FSHR: variants seen among roughly 807,000 people sequenced by gnomAD.
FSHR encodes the protein follicle-stimulating hormone receptor.
A neutral mutation model predicts 52.1 loss-of-function variants in FSHR; 46 were observed. The ratio of observed to expected loss-of-function variants is 0.88; its 90% CI spans 0.70 to 1.13. The LOEUF (loss-of-function observed/expected upper bound fraction) is 1.13. Among genes scored for constraint, FSHR ranks in the 50% most tolerant of loss-of-function variants. FSHR has a pLI of 0.00. For synonymous variants in FSHR, 399 were observed against 309.6 expected, an observed-to-expected ratio of 1.29 and a Z score of -3.03; for missense variants, 964 against 834.6, an observed-to-expected ratio of 1.16 and a Z score of -1.91.
chr2:49,095,000 A>C (rs1296713383), intron 1 of FSHR, among the ~76,000 whole-genome samples: 1 of 152,154 alleles, frequency 6.6e-6, no homozygotes, highest in Non-Finnish European at 1.5e-5. Context: ...TTATGTGAAT[A>C]CTATGTAGTA....
intron 1 of FSHR, among the ~76,000 whole-genome samples, chr2:49,127,821 T>TCC (rs1672087207): frequency 1.5e-5 from 1 of 65,174 alleles, no homozygotes; most frequent in East Asian, 7.1e-4. Flanking sequence ...CTTCTTCTTC[T>TCC]TCTTCTTCCT....
rs1205170943 is a variant in FSHR at position 49,140,159 on chromosome 2, C to T, written c.152+14107G>A. Among the ~76,000 whole-genome samples, 3 of 152,018 alleles carry T rather than the reference C, an allele frequency of 2.0e-5. No individual in the cohort carries two copies. The East Asian group carries it at 5.8e-4, about 29-fold the overall frequency. On this transcript the variant is annotated intron_variant, in intron 1 of 9. Coordinates refer to ENST00000406846, the MANE Select transcript of FSHR (RefSeq NM_000145.4). ...CAACGCTCATGTTAAAATATAATCC[C>T]CAATTTTGGAGCTAGGGCCTGGTGG...
At chr2:49,084,404 C>T (rs1223854623) in intron 1 of FSHR, among the ~76,000 whole-genome samples, 2 of 152,110 alleles carry the variant, frequency 1.3e-5, no homozygotes, top group African/African-American at 4.8e-5. Flanking sequence ...GAAAGATTCA[C>T]AGTTGACACC....
At chr2:48,984,772 T>C (rs1173354542) in intron 6 of FSHR, among the ~76,000 whole-genome samples, 1 of 152,212 alleles carries the variant, frequency 6.6e-6, no homozygotes, top group African/African-American at 2.4e-5. Flanking sequence ...GCCTATTGAC[T>C]AGATAATTAA....
At chr2:49,125,913 AT>A (rs1201666226) in intron 1 of FSHR, among the ~76,000 whole-genome samples, 3 of 152,156 alleles carry the variant, frequency 2.0e-5, no homozygotes, top group African/African-American at 7.2e-5. Flanking sequence ...AACCTCTGCT[AT>A]TTCTCCTCCT....
chr2:49,043,727 T>C (rs1224392175), intron 2 of FSHR, among the ~76,000 whole-genome samples: 4 of 152,204 alleles, frequency 2.6e-5, no homozygotes, highest in African/African-American at 4.8e-5. Flanking sequence ...TTTTCTTCTA[T>C]TCCTGTTTGA....
chr2:49,038,157 A>C (rs1455201098), intron 2 of FSHR, among the ~76,000 whole-genome samples: 1 of 152,212 alleles, frequency 6.6e-6, no homozygotes, highest in African/African-American at 2.4e-5. Context: ...AGATATTTTC[A>C]GACATGCAAT....
chr2:49,013,451 AATATATATATAAATATAT>A (rs1207216140), intron 4 of FSHR, among the ~76,000 whole-genome samples: 3 of 135,564 alleles, frequency 2.2e-5, no homozygotes, highest in Non-Finnish European at 3.1e-5. Context: ...CTTAGCCCTG[AATATATATATAAATATAT>A]ATATATATAT....
intron 1 of FSHR, among the ~76,000 whole-genome samples, chr2:49,089,162 G>C (rs952993131): frequency 6.7e-6 from 1 of 150,168 alleles, no homozygotes; most frequent in African/African-American, 2.5e-5. Context: ...TTTAATCTTC[G>C]TGGTGATAAC....
intron 4 of FSHR, among the ~76,000 whole-genome samples, chr2:48,991,659 G>A (rs573013921): frequency 6.6e-6 from 1 of 152,342 alleles, no homozygotes; most frequent in Non-Finnish European, 1.5e-5. Context: ...GCACTTGAGT[G>A]AAGCTGGATG....
In FSHR at chr2:49,127,885, TCTTCTTCTTCTTC is replaced by T. The variant is rs1558457040; in HGVS notation, c.152+26368_152+26380del. 7.7e-3 allele frequency among the ~76,000 whole-genome samples: 359 copies of T among 46,438 alleles called. 37 individuals carry two copies. The highest frequency in any genetic ancestry group is 0.027 in the South Asian group (35 of 1,300). The allele number at this position is 46,438 out of a possible 152,430, so 30.5% of individuals were successfully genotyped here. A position where few individuals can be genotyped will look rare whatever the true frequency, so the allele number is the denominator to read the frequency against. On this transcript the variant is annotated intron_variant, in intron 1 of 9. Coordinates refer to ENST00000406846, the MANE Select transcript of FSHR (RefSeq NM_000145.4). ...TTCTTCTTCTTCTTCTTCTTCTTCT[TCTTCTTCTTCTTC>T]TTTTTTTTTTTTGAGACGGAGTCTT...
intron 1 of FSHR, among the ~76,000 whole-genome samples, chr2:49,143,008 A>T (rs1672745249): frequency 6.6e-6 from 1 of 152,168 alleles, no homozygotes; most frequent in Admixed American, 6.6e-5. Context: ...TCAAGGTTTC[A>T]GTTGAATATT....
In FSHR at chr2:49,053,353, T is replaced by A. The variant is rs145440039; in HGVS notation, c.224+14866A>T. Among the ~76,000 whole-genome samples the A allele has an allele frequency of 2.8e-3, 422 of 152,276 alleles. 4 individuals are homozygous for A. The highest frequency in any genetic ancestry group is 9.7e-3 in the African/African-American group (405 of 41,544). On this transcript the variant is annotated intron_variant, in intron 2 of 9. Coordinates refer to ENST00000406846, the MANE Select transcript of FSHR (RefSeq NM_000145.4). ...CCAGTGTTATAATAACACATAGATG[T>A]GTTTTTAAATTGAACTCATTTCCAT...
chr2:49,066,895 C>T (rs553326137), intron 2 of FSHR, among the ~76,000 whole-genome samples: 1 of 152,162 alleles, frequency 6.6e-6, no homozygotes, highest in Non-Finnish European at 1.5e-5. Context: ...TAGCTCCAGG[C>T]AAGGGAATCG....
intron 1 of FSHR, among the ~76,000 whole-genome samples, chr2:49,076,638 C>T (rs1337337555): frequency 6.6e-6 from 1 of 152,158 alleles, no homozygotes; most frequent in Non-Finnish European, 1.5e-5. Flanking sequence ...AATATTAACT[C>T]AAAAATCCAC....
At chr2:49,035,668 C>T (rs1431672498) in intron 2 of FSHR, among the ~76,000 whole-genome samples, 1 of 152,158 alleles carries the variant, frequency 6.6e-6, no homozygotes, top group African/African-American at 2.4e-5. Flanking sequence ...GAGAAGGGAC[C>T]TAAGAGATTA....
rs185266831 is a variant in FSHR, at chr2:49,154,122, G to A, written c.152+144C>T. The A allele has an allele frequency of 2.0e-5, 17 of 831,342 alleles. No individual in the cohort carries two copies. In the East Asian group the frequency reaches 4.5e-4, roughly 22 times the overall value. The allele number at this position is 831,342 out of a possible 1,614,324, so 51.5% of individuals were successfully genotyped here. Reference sequence around the variant, plus strand: ...AGCCACAGGCAGGAGGGTTGGGCTGGGGAGTTAGTTGTTTTATTCAGGACT... The same window carrying A: ...AGCCACAGGCAGGAGGGTTGGGCTGAGGAGTTAGTTGTTTTATTCAGGACT... On this transcript the variant is annotated intron_variant, in intron 1 of 9. Transcript: ENST00000406846.
At chr2:48,978,396 A>T (rs966421750) in intron 8 of FSHR, among the ~76,000 whole-genome samples, 14 of 152,254 alleles carry the variant, frequency 9.2e-5, no homozygotes, top group Non-Finnish European at 1.9e-4. Context: ...AAGGCAATTT[A>T]CTATCTATAG....
intron 8 of FSHR, among the ~76,000 whole-genome samples, chr2:48,973,991 T>C (rs1047298203): frequency 6.9e-6 from 1 of 144,186 alleles, no homozygotes; most frequent in East Asian, 1.9e-4. Flanking sequence ...ATGAAATCTA[T>C]TGAGTAAGTA....
Sources: allele counts gnomAD v4.1 joint callset (sites outside exome capture counted in the v4.1 genomes callset), GRCh38; gene constraint gnomAD v4.1.1; transcripts MANE v1.5; gene names NCBI Gene and HGNC (gene_info 2026-07-23, HGNC 2026-07-21).